The following DPP6 variants were observed in gnomAD, a reference collection of about 807,000 sequenced individuals.
DPP6 encodes the protein A-type potassium channel modulatory protein DPP6.
DPP6 carries 69 observed loss-of-function variants against 122.6 expected under a neutral mutation model. The observed-to-expected ratio is 0.56, with a 90% CI of 0.46 to 0.69. The LOEUF is 0.69. Among genes scored for constraint, DPP6 ranks in the 30% least tolerant of loss-of-function variants. The probability of loss-of-function intolerance (pLI) is 0.00; values close to 1 mark genes in which losing one functional copy is unlikely to be tolerated. For missense variants in DPP6, 928 were observed against 1,116.9 expected, an observed-to-expected ratio of 0.83 and a Z score of 2.41; for synonymous variants, 418 against 433.1, an observed-to-expected ratio of 0.97 and a Z score of 0.43.
chr7:154,011,973 A>G (rs1798172882), intron 1 of DPP6, among the ~76,000 whole-genome samples: 3 of 152,216 alleles, frequency 2.0e-5, no homozygotes, highest in Admixed American at 2.0e-4. Flanking sequence ...AAAATGATAG[A>G]ACAATAACAA....
chr7:154,255,991 A>G (rs1034915883), intron 1 of DPP6, among the ~76,000 whole-genome samples: 1 of 149,974 alleles, frequency 6.7e-6, no homozygotes, highest in East Asian at 1.9e-4. Context: ...TGAGATAAAT[A>G]TGTGAAAACA....
intron 1 of DPP6, among the ~76,000 whole-genome samples, chr7:154,338,018 T>C (rs2151053528): frequency 6.6e-6 from 1 of 152,336 alleles, no homozygotes; most frequent in South Asian, 2.1e-4. Flanking sequence ...ACTGAGCGTA[T>C]ATCTGTCTTG....
At chr7:154,660,376 A>G (rs1219170135) in intron 6 of DPP6, among the ~76,000 whole-genome samples, 9 of 150,326 alleles carry the variant, frequency 6.0e-5, no homozygotes, top group Non-Finnish European at 1.0e-4. Flanking sequence ...TCATATAGTC[A>G]TGGTGAATCA....
At position 154,610,707 on chromosome 7, in the gene DPP6, CTGTGTGTG is replaced by C. The variant is rs10525265; in HGVS notation, c.628-27083_628-27076del. On this transcript the variant is annotated intron_variant, in intron 5 of 25. Transcript: ENST00000377770. ...TTATTATTTGTGTCTGTGTTGTTCT[CTGTGTGTG>C]TGTGTGTGTGTGTGTGTGTGTGTGT... is the stretch of plus-strand genomic sequence containing the variant. 7.4e-3 allele frequency among the ~76,000 whole-genome samples: 898 copies of C among 122,076 alleles called. 15 individuals are homozygous for C. Among genetic ancestry groups the C allele is most frequent in the African/African-American group, 0.021 (768 of 36,098 alleles). The allele number at this position is 122,076 out of a possible 152,430, so 80.1% of individuals were successfully genotyped here. A position where few individuals can be genotyped will look rare whatever the true frequency, so the allele number is the denominator to read the frequency against.
chr7:154,554,181 A>T (rs1377149346), intron 4 of DPP6, among the ~76,000 whole-genome samples: 1 of 152,026 alleles, frequency 6.6e-6, no homozygotes, highest in Non-Finnish European at 1.5e-5. Context: ...TATCATTAAC[A>T]TTATCGCCAG....
intron 7 of DPP6, among the ~76,000 whole-genome samples, chr7:154,690,194 G>A (rs918470350): frequency 2.0e-5 from 3 of 152,190 alleles, no homozygotes; most frequent in Admixed American, 1.3e-4. Context: ...TGAAATGTCA[G>A]TGTTTTATAA....
chr7:154,271,145 A>C (rs1193393195), intron 1 of DPP6, among the ~76,000 whole-genome samples: 1 of 152,184 alleles, frequency 6.6e-6, no homozygotes, highest in Non-Finnish European at 1.5e-5. Flanking sequence ...GAGAGAAGAC[A>C]ATGCAAAATT....
intron 1 of DPP6, among the ~76,000 whole-genome samples, chr7:154,335,058 T>TA (rs200198736): frequency 0.24 from 36,459 of 151,930 alleles, 6,152 homozygotes; most frequent in African/African-American, 0.48. Flanking sequence ...TTCAGTTTTT[T>TA]CAATGCTTAA....
chr7:154,719,782 G>A (rs922731812), intron 7 of DPP6, among the ~76,000 whole-genome samples: 1 of 152,196 alleles, frequency 6.6e-6, no homozygotes, highest in Non-Finnish European at 1.5e-5. Flanking sequence ...GTGGTCTAGT[G>A]TTCAGCAGAA....
chr7:154,815,343 G>T (rs1456140286), intron 16 of DPP6, among the ~76,000 whole-genome samples: 1 of 152,188 alleles, frequency 6.6e-6, no homozygotes, highest in African/African-American at 2.4e-5. Context: ...ACAGTCAAGT[G>T]GCATACAGCC....
intron 1 of DPP6, among the ~76,000 whole-genome samples, chr7:154,263,465 C>T (rs1037168202): frequency 3.3e-5 from 5 of 152,176 alleles, no homozygotes; most frequent in Admixed American, 6.5e-5. Context: ...GATCAACCTC[C>T]CACAAGCTGC....
chr7:153,783,267 G>C, the DPP6 span, among the ~76,000 whole-genome samples: 4 of 152,182 alleles, frequency 2.6e-5, no homozygotes, highest in African/African-American at 9.7e-5. Context: ...CCACATGGCT[G>C]GGGAGGTCCC....
In DPP6 at chr7:153,918,818, A is replaced by G. The variant is rs1323776779; in HGVS notation, c.51+31084A>G. On this transcript the variant is annotated intron_variant, in intron 1 of 25. Transcript: ENST00000404039. ...AACATGGTGAAACCCCGTCTCTACT[A>G]AAATACAAAAATTAGCTGGGCATGG... 4.6e-5 allele frequency among the ~76,000 whole-genome samples: 7 copies of G among 151,732 alleles called. No homozygotes were observed. The East Asian group carries it at 9.8e-4, about 21-fold the overall frequency.
chr7:154,007,628 T>A (rs1460250841), intron 1 of DPP6, among the ~76,000 whole-genome samples: 2 of 152,156 alleles, frequency 1.3e-5, no homozygotes, highest in African/African-American at 4.8e-5. Flanking sequence ...ACATAATTAG[T>A]TAACATATTA....
At chr7:154,657,967 A>G (rs1837380182) in intron 6 of DPP6, among the ~76,000 whole-genome samples, 1 of 152,228 alleles carries the variant, frequency 6.6e-6, no homozygotes. Flanking sequence ...CAACTATGTG[A>G]CATTCAGGAA....
intron 7 of DPP6, among the ~76,000 whole-genome samples, chr7:154,690,787 C>A (rs1839889576): frequency 6.6e-6 from 1 of 152,118 alleles, no homozygotes; most frequent in African/African-American, 2.4e-5. Context: ...ACACAAAAAA[C>A]CCTGGCTTTA....
At chr7:154,338,031 T>A (rs1448275174) in intron 1 of DPP6, among the ~76,000 whole-genome samples, 1 of 152,250 alleles carries the variant, frequency 6.6e-6, no homozygotes, top group Non-Finnish European at 1.5e-5. Context: ...CTGTCTTGCC[T>A]TCTCGCAGAT....
chr7:154,075,354 C>A (rs1803479313), intron 1 of DPP6, among the ~76,000 whole-genome samples: 2 of 151,880 alleles, frequency 1.3e-5, no homozygotes, highest in Non-Finnish European at 2.9e-5. Flanking sequence ...AAGACACTTG[C>A]ACGCACGCCT....
intron 1 of DPP6, among the ~76,000 whole-genome samples, chr7:153,934,171 T>C (rs1801313959): frequency 6.6e-6 from 1 of 152,164 alleles, no homozygotes; most frequent in Non-Finnish European, 1.5e-5. Flanking sequence ...TCATCTAATT[T>C]GAAGCACCTT....
Sources: allele counts gnomAD v4.1 joint callset (sites outside exome capture counted in the v4.1 genomes callset), GRCh38; gene constraint gnomAD v4.1.1; transcripts MANE v1.5; gene names NCBI Gene and HGNC (gene_info 2026-07-23, HGNC 2026-07-21).